The following MCTP1 variants were observed in gnomAD, a reference collection of about 807,000 sequenced individuals.
MCTP1 encodes the protein multiple C2 and transmembrane domain-containing protein 1.
MCTP1 carries 69 observed loss-of-function variants against 120.6 expected under a neutral mutation model. The observed-to-expected ratio is 0.57, with a 90% CI of 0.47 to 0.70. MCTP1 has a LOEUF of 0.70. Among genes scored for constraint, MCTP1 ranks in the 30% least tolerant of loss-of-function variants. The pLI is 0.00. For missense variants in MCTP1, 1,203 were observed against 1,248.8 expected, an observed-to-expected ratio of 0.96 and a Z score of 0.55; for synonymous variants, 529 against 493.1, an observed-to-expected ratio of 1.07 and a Z score of -0.96.
chr5:95,059,727 AGAG>A lies in MCTP1; in HGVS notation c.721-42246_721-42244del, dbSNP rs376741500. Among the ~76,000 whole-genome samples, 460 of 152,272 alleles carry A rather than the reference AGAG, an allele frequency of 3.0e-3. 2 individuals are homozygous for A. Among genetic ancestry groups the A allele is most frequent in the South Asian group, 0.01 (50 of 4,818 alleles). ...AAATAAGAGGAGAAGAGTAGAGAGG[AGAG>A]GAGAAGAAAAAGAAAATGTGCAGGG... On this transcript the variant is annotated intron_variant, in intron 1 of 22. Coordinates refer to ENST00000515393, the MANE Select transcript of MCTP1 (RefSeq NM_024717.7).
intron 1 of MCTP1, among the ~76,000 whole-genome samples, chr5:95,278,766 G>A (rs573802524): frequency 6.6e-6 from 1 of 151,618 alleles, no homozygotes; most frequent in African/African-American, 2.4e-5. Context: ...AGTTCGAGAC[G>A]AGCCTAACCA....
chr5:94,920,521 T>TCAC (rs960269585), intron 7 of MCTP1, among the ~76,000 whole-genome samples: 4 of 152,008 alleles, frequency 2.6e-5, no homozygotes, highest in African/African-American at 9.6e-5. Context: ...GGCGGGCAGA[T>TCAC]CACGAGGTCA....
intron 1 of MCTP1, among the ~76,000 whole-genome samples, chr5:95,033,007 A>T (rs1159419559): frequency 6.6e-6 from 1 of 152,108 alleles, no homozygotes; most frequent in Non-Finnish European, 1.5e-5. Flanking sequence ...GAGGAAACAG[A>T]TAATTTCCTG....
chr5:94,764,545 C>T (rs1344436266), intron 19 of MCTP1, among the ~76,000 whole-genome samples: 1 of 151,936 alleles, frequency 6.6e-6, no homozygotes, highest in Non-Finnish European at 1.5e-5. Flanking sequence ...AAAAGATATT[C>T]CACACAAATA....
chr5:95,114,015 A>T (rs542472300), intron 1 of MCTP1, among the ~76,000 whole-genome samples: 1 of 152,308 alleles, frequency 6.6e-6, no homozygotes, highest in Non-Finnish European at 1.5e-5. Flanking sequence ...CTTGTGGATG[A>T]CATTTCTAGA....
intron 10 of MCTP1, among the ~76,000 whole-genome samples, chr5:94,907,727 T>C (rs747120286): frequency 9.2e-5 from 14 of 151,984 alleles, no homozygotes; most frequent in Admixed American, 5.9e-4. Flanking sequence ...TTTCACAGTT[T>C]TTAAATTGGA....
At chr5:94,942,840 T>G (rs1049900950) in intron 3 of MCTP1, among the ~76,000 whole-genome samples, 1 of 152,082 alleles carries the variant, frequency 6.6e-6, no homozygotes, top group Non-Finnish European at 1.5e-5. Context: ...CAATGCCACT[T>G]TAAACATACA....
At chr5:94,914,968 C>G (rs868718401) in intron 8 of MCTP1, among the ~76,000 whole-genome samples, 2 of 152,170 alleles carry the variant, frequency 1.3e-5, no homozygotes, top group African/African-American at 4.8e-5. Context: ...CTGCCTCTAA[C>G]AGCAGACTCT....
chr5:95,078,349 A>G (rs976439262), intron 1 of MCTP1, among the ~76,000 whole-genome samples: 6 of 152,184 alleles, frequency 3.9e-5, no homozygotes, highest in Non-Finnish European at 7.3e-5. Context: ...ATAACTAAAT[A>G]TAGACTGAAA....
chr5:94,989,610 A>G (rs1403445633), intron 2 of MCTP1, among the ~76,000 whole-genome samples: 1 of 152,120 alleles, frequency 6.6e-6, no homozygotes, highest in East Asian at 1.9e-4. Flanking sequence ...TGGAGTGGTA[A>G]GTGTCTCTTT....
In MCTP1 at chr5:95,256,075, C is replaced by T. The variant is rs552376183; in HGVS notation, c.720+27781G>A. On this transcript the variant is annotated intron_variant, in intron 1 of 22. Transcript: ENST00000515393. ...CAAGTTCTGCCATGTGGAATTTAAACGGGGAGAACCCTAGCTTGATGCATC... is the reference window on the plus strand; with the variant it reads ...CAAGTTCTGCCATGTGGAATTTAAATGGGGAGAACCCTAGCTTGATGCATC... 4.1e-4 allele frequency among the ~76,000 whole-genome samples: 63 copies of T among 152,298 alleles called. 1 individual carries two copies. Among genetic ancestry groups the T allele is most frequent in the Non-Finnish European group, 8.1e-4 (55 of 68,030 alleles).
At chr5:94,899,309 C>T (rs377647575) in intron 10 of MCTP1, among the ~76,000 whole-genome samples, 1 of 152,194 alleles carries the variant, frequency 6.6e-6, no homozygotes, top group African/African-American at 2.4e-5. Flanking sequence ...CTCAGCTGTT[C>T]GCTTTGCCTC....
chr5:94,753,555 AATG>A (rs1193131245), intron 19 of MCTP1, among the ~76,000 whole-genome samples: 6 of 152,200 alleles, frequency 3.9e-5, no homozygotes, highest in Non-Finnish European at 8.8e-5. Context: ...TTGTTGTAAT[AATG>A]ATTGTGGTGT....
At chr5:94,876,979 A>G (rs757563915) in intron 12 of MCTP1, among the ~76,000 whole-genome samples, 3 of 152,080 alleles carry the variant, frequency 2.0e-5, no homozygotes, top group Non-Finnish European at 4.4e-5. Flanking sequence ...GACATGATAG[A>G]CATGTAAATA....
chr5:94,861,790 A>T (rs1469654129), intron 17 of MCTP1, among the ~76,000 whole-genome samples: 1 of 151,760 alleles, frequency 6.6e-6, no homozygotes, highest in Non-Finnish European at 1.5e-5. Context: ...TAATTTTTTG[A>T]TCCTTAGTCA....
At chr5:95,215,414 T>C (rs1486158649) in intron 1 of MCTP1, among the ~76,000 whole-genome samples, 1 of 152,182 alleles carries the variant, frequency 6.6e-6, no homozygotes, top group African/African-American at 2.4e-5. Context: ...GAGAATGTCA[T>C]TTTAGGGGCT....
intron 17 of MCTP1, among the ~76,000 whole-genome samples, chr5:94,813,960 A>G (rs1294494050): frequency 2.6e-5 from 4 of 152,200 alleles, no homozygotes; most frequent in Non-Finnish European, 5.9e-5. Flanking sequence ...GTATGATTCC[A>G]TTTATATGAA....
intron 8 of MCTP1, among the ~76,000 whole-genome samples, chr5:94,914,035 T>A (rs922268736): frequency 6.6e-6 from 1 of 152,094 alleles, no homozygotes; most frequent in African/African-American, 2.4e-5. Context: ...CCACCACACC[T>A]GGCTTAGACT....
chr5:95,035,533 T>C (rs1841125153), intron 1 of MCTP1, among the ~76,000 whole-genome samples: 1 of 151,874 alleles, frequency 6.6e-6, no homozygotes, highest in Non-Finnish European at 1.5e-5. Context: ...CACATGGTCA[T>C]ATAGGTGGGA....
Sources: allele counts gnomAD v4.1 joint callset (sites outside exome capture counted in the v4.1 genomes callset), GRCh38; gene constraint gnomAD v4.1.1; transcripts MANE v1.5; gene names NCBI Gene and HGNC (gene_info 2026-07-23, HGNC 2026-07-21).